RORA: variants seen among roughly 807,000 people sequenced by gnomAD.
RORA encodes nuclear receptor ROR-alpha.
A neutral mutation model predicts 69.5 loss-of-function variants in RORA; 7 were observed. The ratio of observed to expected loss-of-function variants is 0.10; its 90% CI spans 0.06 to 0.19. The LOEUF (loss-of-function observed/expected upper bound fraction) is 0.19. Ranked by LOEUF, RORA falls within the 10% of genes least tolerant of loss-of-function variation. The probability of loss-of-function intolerance (pLI) is 1.00; values close to 1 mark genes in which losing one functional copy is unlikely to be tolerated. For synonymous variants in RORA, 261 were observed against 240.8 expected (o/e 1.08, Z -0.78); for missense variants, 457 against 663.0 (o/e 0.69, Z 3.41).
intron 1 of RORA, among the ~76,000 whole-genome samples, chr15:60,986,783 G>A (rs1404194458): frequency 6.6e-6 from 1 of 152,158 alleles, no homozygotes; most frequent in Non-Finnish European, 1.5e-5. Flanking sequence ...GTCACATGGG[G>A]GTCAGGCTGG....
At chr15:60,826,071 G>A (rs765311841) in intron 1 of RORA, among the ~76,000 whole-genome samples, 9 of 152,150 alleles carry the variant, frequency 5.9e-5, no homozygotes, top group African/African-American at 1.7e-4. Context: ...TGGTCAGACC[G>A]CTTTCCAAAT....
At chr15:60,697,134 C>T (rs1596135056) in intron 1 of RORA, among the ~76,000 whole-genome samples, 1 of 152,132 alleles carries the variant, frequency 6.6e-6, no homozygotes, top group African/African-American at 2.4e-5. Flanking sequence ...TGACTGGCTG[C>T]CACAATACAC....
At position 60,564,516 on chromosome 15, in the gene RORA, T is replaced by A. The variant is rs138125953; in HGVS notation, c.197-32665A>T. 5.0e-4 allele frequency among the ~76,000 whole-genome samples: 76 copies of A among 152,278 alleles called. 1 individual carries two copies. The East Asian group carries it at 8.3e-3, about 17-fold the overall frequency. ...CTTTTAACTTCACTTATGAGAGAGC[T>A]GACTAGGGATAGGGGTAAACTGAGG... On this transcript the variant is annotated intron_variant, in intron 2 of 10. Coordinates refer to ENST00000335670, the MANE Select transcript of RORA (RefSeq NM_134261.3).
At chr15:60,910,271 G>C (rs529660557) in intron 1 of RORA, among the ~76,000 whole-genome samples, 3 of 152,288 alleles carry the variant, frequency 2.0e-5, no homozygotes, top group African/African-American at 7.2e-5. Flanking sequence ...CCCCTGACTG[G>C]ATTCCCTAAA....
chr15:60,503,699 C>T, intron 6 of RORA, 32 bp from the exon 7 acceptor site: 1 of 1,610,480 alleles, frequency 6.2e-7, no homozygotes, highest in Non-Finnish European at 8.5e-7. Flanking sequence ...TAACATCCTC[C>T]AGGAAGATGT....
chr15:61,180,676 T>C (rs923349833), intron 1 of RORA, among the ~76,000 whole-genome samples: 9 of 152,374 alleles, frequency 5.9e-5, no homozygotes, highest in African/African-American at 1.9e-4. Flanking sequence ...ACACATTCTA[T>C]TGAAATTCTG....
Position 61,121,203 on chromosome 15 carries a change from T to C in RORA, c.166+107850A>G, listed in dbSNP as rs1426281285. Among the ~76,000 whole-genome samples, 6 of 152,262 alleles carry C rather than the reference T, an allele frequency of 3.9e-5. No homozygotes were observed. In the South Asian group the frequency reaches 6.2e-4, roughly 16 times the overall value. On this transcript the variant is annotated intron_variant, in intron 1 of 10. Coordinates refer to ENST00000335670, the MANE Select transcript of RORA (RefSeq NM_134261.3). ...CCACTCCATAACGCAGACTAAGTTA[T>C]AGCAATACTATTTTACAGATGAGGA...
At chr15:61,171,638 G>A (rs1219079804) in intron 1 of RORA, among the ~76,000 whole-genome samples, 1 of 152,180 alleles carries the variant, frequency 6.6e-6, no homozygotes, top group Non-Finnish European at 1.5e-5. Flanking sequence ...ATTCCCAGCA[G>A]AGGGGCAGTC....
At chr15:60,852,305 C>G (rs2073335506) in intron 1 of RORA, among the ~76,000 whole-genome samples, 1 of 152,182 alleles carries the variant, frequency 6.6e-6, no homozygotes, top group African/African-American at 2.4e-5. Context: ...CTCTTCCCAC[C>G]TTTCCCCAAC....
intron 1 of RORA, among the ~76,000 whole-genome samples, chr15:61,196,110 T>C (rs1567033080): frequency 1.3e-5 from 2 of 152,226 alleles, no homozygotes; most frequent in Admixed American, 6.5e-5. Flanking sequence ...ACCAACCTAA[T>C]AGTAAACCAA....
chr15:60,640,312 A>C (rs2069919969), intron 2 of RORA, among the ~76,000 whole-genome samples: 1 of 152,226 alleles, frequency 6.6e-6, no homozygotes, highest in East Asian at 1.9e-4. Flanking sequence ...GAATATATTT[A>C]GAATTTATCC....
chr15:60,974,675 A>G (rs934271363), intron 1 of RORA, among the ~76,000 whole-genome samples: 1 of 152,198 alleles, frequency 6.6e-6, no homozygotes, highest in African/African-American at 2.4e-5. Context: ...GGACAGGTAT[A>G]GAGAAATCCC....
chr15:60,591,733 G>A (rs1487416605), intron 2 of RORA, among the ~76,000 whole-genome samples: 1 of 152,154 alleles, frequency 6.6e-6, no homozygotes, highest in Non-Finnish European at 1.5e-5. Context: ...CGCCCAGAGC[G>A]TCTTGGCACG....
intron 1 of RORA, among the ~76,000 whole-genome samples, chr15:60,871,214 T>C (rs887782497): frequency 2.0e-5 from 3 of 152,166 alleles, no homozygotes; most frequent in Non-Finnish European, 4.4e-5. Context: ...CCAAATTACA[T>C]TCCTGTTGCA....
rs1443534803 is a variant in RORA at position 60,856,399 on chromosome 15, G to A, written c.167-177713C>T. ...TCTCTTCCTGTCCAACCACTCACCT[G>A]TTAAGATTTAAAGCATGGTAGCAGA... On this transcript the variant is annotated intron_variant, in intron 1 of 10. Transcript: ENST00000335670. 2.0e-5 allele frequency among the ~76,000 whole-genome samples: 3 copies of A among 151,842 alleles called. No individual in the cohort carries two copies. In the South Asian group the frequency reaches 6.2e-4, roughly 32 times the overall value.
chr15:60,655,775 G>A (rs1463297753), intron 2 of RORA, among the ~76,000 whole-genome samples: 1 of 152,136 alleles, frequency 6.6e-6, no homozygotes, highest in African/African-American at 2.4e-5. Flanking sequence ...ACATGTATTT[G>A]TCAACAGGCC....
intron 1 of RORA, among the ~76,000 whole-genome samples, chr15:60,839,261 C>A (rs1257741037): frequency 2.0e-5 from 3 of 152,096 alleles, no homozygotes; most frequent in Non-Finnish European, 2.9e-5. Flanking sequence ...ATATATTGTA[C>A]CCTTAATGAA....
intron 1 of RORA, among the ~76,000 whole-genome samples, chr15:60,978,559 TTA>T (rs2140358010): frequency 6.6e-6 from 1 of 152,326 alleles, no homozygotes; most frequent in Non-Finnish European, 1.5e-5. Flanking sequence ...CTTTTATTGC[TTA>T]TGTTTTTGGT....
At chr15:61,118,826 T>C (rs2079073832) in intron 1 of RORA, among the ~76,000 whole-genome samples, 1 of 152,154 alleles carries the variant, frequency 6.6e-6, no homozygotes, top group Admixed American at 6.5e-5. Context: ...CCCAACTGTT[T>C]TTTGAAACGA....
Sources: allele counts gnomAD v4.1 joint callset (sites outside exome capture counted in the v4.1 genomes callset), GRCh38; gene constraint gnomAD v4.1.1; transcripts MANE v1.5; gene names NCBI Gene and HGNC (gene_info 2026-07-23, HGNC 2026-07-21).